The following MYH15 variants were observed in gnomAD, a reference collection of about 807,000 sequenced individuals.
MYH15 encodes the protein myosin-15.
In MYH15, 227 loss-of-function variants were observed where a neutral mutation model predicts 240.5. That is an observed-to-expected ratio of 0.94 (90% CI 0.85 to 1.05). MYH15 has a LOEUF of 1.05. Among genes scored for constraint, MYH15 ranks in the 50% least tolerant of loss-of-function variants. The pLI, the probability that MYH15 is intolerant of heterozygous loss-of-function variation, is 0.00. For synonymous variants in MYH15, 785 were observed against 796.7 expected (o/e 0.99, Z 0.25); for missense variants, 2,217 against 2,247.5 (o/e 0.99, Z 0.27).
chr3:108,540,170 C>G, the MYH15 span, among the ~76,000 whole-genome samples: 1 of 152,262 alleles, frequency 6.6e-6, no homozygotes, highest in Non-Finnish European at 1.5e-5. Flanking sequence ...AACACTTCCA[C>G]TTCTTTTCCA....
Position 108,401,378 on chromosome 3 carries a change from C to T in MYH15, c.4737-2111G>A, listed in dbSNP as rs372603653. On this transcript the variant is annotated intron_variant, in intron 33 of 40. Coordinates refer to ENST00000693548, the MANE Select transcript of MYH15 (RefSeq NM_014981.3). ...GATGAGGATGCAGTGAAAATGTGAC[C>T]GTCTGCAAGCCAAGGAGGATCATCA... Among the ~76,000 whole-genome samples, 45 of 83,078 alleles carry T rather than the reference C, an allele frequency of 5.4e-4. No homozygotes were observed. The South Asian group carries it at 6.9e-3, about 13-fold the overall frequency. 54.5% of individuals were successfully genotyped at this position (83,078 alleles called of 152,430 possible).
upstream of MYH15, among the ~76,000 whole-genome samples, chr3:108,531,924 C>A (rs2083713782): frequency 6.6e-6 from 1 of 152,022 alleles, no homozygotes; most frequent in African/African-American, 2.4e-5. Flanking sequence ...CCCAAGGGCA[C>A]AATATTACAG....
At chr3:108,450,704 C>T (rs1175626215) in intron 21 of MYH15, among the ~76,000 whole-genome samples, 1 of 152,064 alleles carries the variant, frequency 6.6e-6, no homozygotes, top group Non-Finnish European at 1.5e-5. Flanking sequence ...ATGCTCTCAC[C>T]ACACACACAA....
chr3:108,412,351 A>T (rs1457651057), intron 30 of MYH15, among the ~76,000 whole-genome samples: 1 of 152,182 alleles, frequency 6.6e-6, no homozygotes, highest in Non-Finnish European at 1.5e-5. Flanking sequence ...TCCTGCCACC[A>T]TGTGAAGAAG....
intron 25 of MYH15, among the ~76,000 whole-genome samples, chr3:108,434,667 C>G (rs969415590): frequency 3.3e-5 from 5 of 152,100 alleles, no homozygotes; most frequent in African/African-American, 1.2e-4. Context: ...TTGAATTTCA[C>G]AATTAATAAG....
chr3:108,395,035 G>A (rs753269718), intron 35 of MYH15, among the ~76,000 whole-genome samples: 3 of 152,144 alleles, frequency 2.0e-5, no homozygotes, highest in Non-Finnish European at 4.4e-5. Flanking sequence ...GGAGGCTGAC[G>A]GGGGTGAATC....
intron 27 of MYH15, among the ~76,000 whole-genome samples, chr3:108,421,626 T>C (rs2082685252): frequency 6.6e-6 from 1 of 152,050 alleles, no homozygotes; most frequent in South Asian, 2.1e-4. Flanking sequence ...CCCTATTGTA[T>C]AGAATAGTGC....
At chr3:108,505,904 T>C in intron 1 of MYH15, 75 bp from the exon 2 acceptor site, 1 of 903,470 alleles carries the variant, frequency 1.1e-6, no homozygotes, top group African/African-American at 1.7e-5. Flanking sequence ...ACTTTCATAC[T>C]GATAGATCTA....
upstream of MYH15, among the ~76,000 whole-genome samples, chr3:108,511,489 G>A (rs1379137286): frequency 6.6e-6 from 1 of 152,170 alleles, no homozygotes; most frequent in Non-Finnish European, 1.5e-5. Flanking sequence ...AAGTCACTGA[G>A]CACCCACTGT....
intron 36 of MYH15, among the ~76,000 whole-genome samples, chr3:108,393,744 A>G (rs2082438526): frequency 6.6e-6 from 1 of 152,256 alleles, no homozygotes; most frequent in Admixed American, 6.5e-5. Flanking sequence ...ATTGATTCAC[A>G]AATGAAAAGT....
intron 3 of MYH15, 50 bp downstream of exon 3, chr3:108,501,662 T>C (rs781024690): frequency 3.1e-6 from 5 of 1,609,622 alleles, no homozygotes; most frequent in East Asian, 2.2e-5. Context: ...GATTGGGACA[T>C]GCAATGTGAC....
At chr3:108,507,254 T>TGA (rs749120484) in intron 1 of MYH15, among the ~76,000 whole-genome samples, 5,742 of 46,952 alleles carry the variant, frequency 0.12, 896 homozygotes, top group East Asian at 0.46. Flanking sequence ...TATATATATA[T>TGA]ATATATATAT....
chr3:108,407,663 C>T (rs1011919810), intron 32 of MYH15, among the ~76,000 whole-genome samples: 1 of 152,158 alleles, frequency 6.6e-6, no homozygotes, highest in African/African-American at 2.4e-5. Context: ...GACAACATCA[C>T]TTTGAATCTT....
chr3:108,528,507 T>G (rs1383400405), intron 1 of MYH15, among the ~76,000 whole-genome samples: 2 of 152,194 alleles, frequency 1.3e-5, no homozygotes, highest in African/African-American at 2.4e-5. Context: ...GGGTTTTAAA[T>G]AGTTTGATAA....
At chr3:108,532,203 G>A (rs151218293), upstream of MYH15, among the ~76,000 whole-genome samples, 1 of 151,688 alleles carries the variant, frequency 6.6e-6, no homozygotes, top group African/African-American at 2.4e-5. Flanking sequence ...TCAAATATTT[G>A]GTCAAACATT....
At chr3:108,483,092 C>T (rs191685283) in intron 11 of MYH15, among the ~76,000 whole-genome samples, 48 of 151,596 alleles carry the variant, frequency 3.2e-4, no homozygotes, top group Non-Finnish European at 3.8e-4. Flanking sequence ...CCCAGCTACT[C>T]GGGAGGCTGA....
At chr3:108,526,873 A>C (rs1431323515) in intron 1 of MYH15, among the ~76,000 whole-genome samples, 3 of 152,150 alleles carry the variant, frequency 2.0e-5, no homozygotes, top group Admixed American at 1.3e-4. Flanking sequence ...TATTTCCATC[A>C]AAAAGAATTG....
rs143578153 is a variant in MYH15, at chr3:108,488,067, CT to C, written c.872-1542del. Among the ~76,000 whole-genome samples the C allele has an allele frequency of 5.7e-3, 841 of 147,710 alleles. 5 individuals are homozygous for C. The highest frequency in any genetic ancestry group is 0.016 in the African/African-American group (636 of 40,460). ...AGTAATGTATCTGTCATTTCACATA[CT>C]TTTTTTTTTGTGGTGAGAATATTTA... On this transcript the variant is annotated intron_variant, in intron 9 of 40. Coordinates refer to ENST00000693548, the MANE Select transcript of MYH15 (RefSeq NM_014981.3).
chr3:108,402,373 C>T (rs1420886087), intron 33 of MYH15, among the ~76,000 whole-genome samples: 1 of 152,172 alleles, frequency 6.6e-6, no homozygotes, highest in African/African-American at 2.4e-5. Flanking sequence ...GTGGACTTTA[C>T]AGAAGGAACA....
Sources: allele counts gnomAD v4.1 joint callset (sites outside exome capture counted in the v4.1 genomes callset), GRCh38; gene constraint gnomAD v4.1.1; transcripts MANE v1.5; gene names NCBI Gene and HGNC (gene_info 2026-07-23, HGNC 2026-07-21).